CFAP58: variants seen among roughly 807,000 people sequenced by gnomAD.
CFAP58 encodes the protein cilia and flagella associated protein 58.
CFAP58 carries 88 observed loss-of-function variants against 119.5 expected under a neutral mutation model. That is an observed-to-expected ratio of 0.74 (90% confidence interval 0.62 to 0.88). The LOEUF (loss-of-function observed/expected upper bound fraction) is 0.88, where lower values mean the gene tolerates loss of function less well. CFAP58 is among the 40% of genes least tolerant of loss of function. CFAP58 has a pLI of 0.00. For synonymous variants in CFAP58, 365 were observed against 366.3 expected (o/e 1.00, Z 0.04); for missense variants, 990 against 1,021.2 (o/e 0.97, Z 0.42).
intron 1 of CFAP58, among the ~76,000 whole-genome samples, chr10:104,357,799 A>ACACACATATATG (rs1564875275): frequency 4.1e-5 from 6 of 145,716 alleles, no homozygotes; most frequent in African/African-American, 1.7e-4. Flanking sequence ...ATACATATAT[A>ACACACATATATG]TACACACATA....
intron 15 of CFAP58, among the ~76,000 whole-genome samples, chr10:104,416,807 A>G (rs539888527): frequency 3.7e-4 from 56 of 152,296 alleles, no homozygotes; most frequent in African/African-American, 1.3e-3. Context: ...GGGCCACATA[A>G]TGGGTACCTG....
chr10:104,394,485 A>G (rs1460426654), intron 11 of CFAP58, among the ~76,000 whole-genome samples: 1 of 152,182 alleles, frequency 6.6e-6, no homozygotes, highest in African/African-American at 2.4e-5. Context: ...TCAATGCCAT[A>G]TTTTCTAGAT....
intron 15 of CFAP58, among the ~76,000 whole-genome samples, chr10:104,431,437 A>G (rs2012845396): frequency 6.6e-6 from 1 of 152,196 alleles, no homozygotes; most frequent in Admixed American, 6.5e-5. Context: ...AAACTTCCTA[A>G]AAGTTCTAGA....
chr10:104,414,198 G>T (rs996800756), intron 15 of CFAP58, among the ~76,000 whole-genome samples: 46 of 152,130 alleles, frequency 3.0e-4, no homozygotes, highest in African/African-American at 1.0e-3. Flanking sequence ...TAAAGAGCTG[G>T]AAATGCAGAT....
At chr10:104,346,523 A>T in the CFAP58 span, among the ~76,000 whole-genome samples, 206 of 150,070 alleles carry the variant, frequency 1.4e-3, 3 homozygotes, top group Middle Eastern at 3.5e-3. Context: ...CATTAAAAAA[A>T]TTTTTTTTTG....
chr10:104,350,957 C>T (rs1044740390), upstream of CFAP58, among the ~76,000 whole-genome samples: 1 of 152,182 alleles, frequency 6.6e-6, no homozygotes, highest in African/African-American at 2.4e-5. Flanking sequence ...CTGCACTTGA[C>T]ATCAGTGCAA....
In CFAP58 at chr10:104,357,910, C is replaced by CATATGT. The variant is rs1589906349; in HGVS notation, c.10-430_10-429insTATGTA. Among the ~76,000 whole-genome samples the CATATGT allele has an allele frequency of 7.9e-5, 8 of 100,754 alleles. No individual in the cohort carries two copies. The East Asian group carries it at 1.3e-3, about 16-fold the overall frequency. The allele number at this position is 100,754 out of a possible 152,430, so 66.1% of individuals were successfully genotyped here. On this transcript the variant is annotated intron_variant, in intron 1 of 17. Coordinates refer to ENST00000369704, the MANE Select transcript of CFAP58 (RefSeq NM_001008723.2). Reference sequence around the variant, plus strand: ...ATATAAACATATATGTACACATATACACACATATATGTACACATATACACA... The same window carrying CATATGT: ...ATATAAACATATATGTACACATATACATATGTACACATATATGTACACATATACACA...
In CFAP58 at chr10:104,399,277, C is replaced by A. The variant is rs964179848; in HGVS notation, c.1675-83C>A. 2.7e-5 allele frequency: 39 copies of A among 1,460,018 alleles called. 1 individual carries two copies. The South Asian group carries it at 4.8e-4, about 18-fold the overall frequency. 90.4% of individuals were successfully genotyped at this position (1,460,018 alleles called of 1,614,324 possible). ...TCAGAGGAAAGAGTAAGAAGCACAACTGTACATCTGAATCCGGGCCCTGTC... is the reference window on the plus strand; with the variant it reads ...TCAGAGGAAAGAGTAAGAAGCACAAATGTACATCTGAATCCGGGCCCTGTC... On this transcript the variant is annotated intron_variant, in intron 11 of 17. Transcript: ENST00000369704.
intron 1 of CFAP58, among the ~76,000 whole-genome samples, chr10:104,355,072 G>A (rs1186633229): frequency 1.3e-5 from 2 of 151,806 alleles, no homozygotes; most frequent in South Asian, 2.1e-4. Flanking sequence ...TCTTCCTCAC[G>A]CCTGGGCTCC....
intron 8 of CFAP58, among the ~76,000 whole-genome samples, chr10:104,379,798 T>C (rs2011745902): frequency 6.6e-6 from 1 of 152,240 alleles, no homozygotes; most frequent in Non-Finnish European, 1.5e-5. Flanking sequence ...GGCAATATGG[T>C]GCCCATTTCT....
chr10:104,360,984 C>T (rs1014675247), intron 2 of CFAP58, among the ~76,000 whole-genome samples: 28 of 152,148 alleles, frequency 1.8e-4, no homozygotes, highest in Admixed American at 1.2e-3. Context: ...TGAGAACTCA[C>T]TCACTATCAC....
rs1271492105 is a variant in CFAP58, at chr10:104,364,747, T to A, written c.455T>A (p.Leu152Gln). 1.2e-6 allele frequency: 2 copies of A among 1,611,248 alleles called. No homozygotes were observed. The highest frequency in any genetic ancestry group is 3.4e-5 in the Admixed American group (2 of 59,478). ...TTCCTTTTTAGCATCCGAGATTTAC[T>A]GAGGTTCAAAGAAGAAGTGACAAAG... ...MDQHSNIRDL[L>Q]RFKEEVTKER... is the part of the protein sequence containing the mutation. The change falls in exon 4 of 18, where the codon CTG becomes CAG. Residue 152 changes from leucine (L) to glutamine (Q), a missense_variant. Physicochemically the swap from Leu to Gln is moderately radical, Grantham distance 113. Coordinates refer to ENST00000369704, the MANE Select transcript of CFAP58 (RefSeq NM_001008723.2).
intron 9 of CFAP58, among the ~76,000 whole-genome samples, chr10:104,389,364 T>C (rs553521537): frequency 5.3e-5 from 8 of 152,286 alleles, no homozygotes; most frequent in African/African-American, 1.9e-4. Context: ...GCTAGTTGGA[T>C]GCTCAAAAAA....
chr10:104,392,107 C>A, intron 9 of CFAP58, 126 bp from the exon 10 acceptor site: 1 of 756,976 alleles, frequency 1.3e-6, no homozygotes, highest in Non-Finnish European at 2.2e-6. Context: ...TGATTATAGC[C>A]ACTGTCAGAT....
chr10:104,373,422 C>T (rs1589912838), intron 7 of CFAP58, among the ~76,000 whole-genome samples: 1 of 151,962 alleles, frequency 6.6e-6, no homozygotes, highest in East Asian at 1.9e-4. Flanking sequence ...TCGCTTAAGG[C>T]TAGGGGTTCA....
chr10:104,392,512 A>C, intron 10 of CFAP58, 118 bp downstream of exon 10: 1 of 667,650 alleles, frequency 1.5e-6, no homozygotes, highest in Non-Finnish European at 2.3e-6. Flanking sequence ...CATGGAATTC[A>C]CCTGAAAAGA....
chr10:104,377,391 T>A (rs1056022944), intron 8 of CFAP58, among the ~76,000 whole-genome samples: 2 of 152,186 alleles, frequency 1.3e-5, no homozygotes, highest in Non-Finnish European at 2.9e-5. Flanking sequence ...TGTCTGACCT[T>A]CCAGCTCAGT....
chr10:104,454,372 T>G (rs534780844), intron 17 of CFAP58, 50 bp from the exon 18 acceptor site: 1 of 1,429,680 alleles, frequency 7.0e-7, no homozygotes, highest in South Asian at 1.1e-5. Flanking sequence ...AATGTCAAAC[T>G]TAGACAAAAA....
chr10:104,339,929 T>G, the CFAP58 span, among the ~76,000 whole-genome samples: 1 of 152,242 alleles, frequency 6.6e-6, no homozygotes, highest in African/African-American at 2.4e-5. Context: ...GTAAGAGCGC[T>G]GGGCTGAGCT....
Sources: gnomAD v4.1 joint callset for allele counts (sites outside exome capture counted in the v4.1 genomes callset) on GRCh38, gnomAD v4.1.1 for gene constraint, MANE v1.5 for transcripts, NCBI Gene and HGNC (gene_info 2026-07-23, HGNC 2026-07-21) for gene names.